The following PIGK variants were observed in gnomAD, a reference collection of about 807,000 sequenced individuals.
The protein encoded by PIGK is GPI-anchor transamidase.
Under a neutral mutation model 50.6 loss-of-function variants are expected in PIGK, and 42 were observed. The ratio of observed to expected loss-of-function variants is 0.83; its 90% CI spans 0.65 to 1.07. The LOEUF is 1.07. Among genes scored for constraint, PIGK ranks in the 50% least tolerant of loss-of-function variants. PIGK has a pLI of 0.00. For missense variants in PIGK, 448 were observed against 488.7 expected (o/e 0.92, Z 0.78); for synonymous variants, 151 against 156.0 (o/e 0.97, Z 0.24).
At chr1:77,106,558 T>C (rs1653682576) in intron 10 of PIGK, among the ~76,000 whole-genome samples, 2 of 152,148 alleles carry the variant, frequency 1.3e-5, no homozygotes, top group African/African-American at 4.8e-5. Flanking sequence ...ACAACAAAAA[T>C]GAATCTTATA....
chr1:77,140,928 T>C (rs116465150), intron 9 of PIGK, among the ~76,000 whole-genome samples: 1,927 of 152,300 alleles, frequency 0.013, 40 homozygotes, highest in African/African-American at 0.044. Context: ...TATGTCACAC[T>C]GTATAGTTCC....
rs1378459506 is a variant in PIGK at position 77,210,432 on chromosome 1, T to C, written c.147+4A>G. On this transcript the variant is annotated splice_donor_region_variant and intron_variant, in intron 2 of 10. Coordinates refer to ENST00000370812, the MANE Select transcript of PIGK (RefSeq NM_005482.3). ...AGCAAGGTATACTTTTACAGTATAC[T>C]TACCAGAACAGCCCAGTTGTTTGTA... 6.3e-7 allele frequency: 1 copy of C among 1,577,102 alleles called. No individual in the cohort carries two copies. Among genetic ancestry groups the C allele is most frequent in the Non-Finnish European group, 8.7e-7 (1 of 1,153,958 alleles).
chr1:77,218,052 T>G (rs1656621791), intron 1 of PIGK, among the ~76,000 whole-genome samples: 1 of 152,176 alleles, frequency 6.6e-6, no homozygotes, highest in African/African-American at 2.4e-5. Flanking sequence ...TAAATATATA[T>G]GAAGTTCATG....
intron 3 of PIGK, among the ~76,000 whole-genome samples, chr1:77,177,349 T>G (rs1009867557): frequency 1.3e-5 from 2 of 152,214 alleles, no homozygotes; most frequent in Non-Finnish European, 2.9e-5. Context: ...GGTTGTGGGT[T>G]TACCAGAATA....
intron 9 of PIGK, among the ~76,000 whole-genome samples, chr1:77,124,826 G>A (rs772284679): frequency 2.0e-5 from 3 of 151,982 alleles, no homozygotes; most frequent in South Asian, 4.1e-4. Flanking sequence ...ATAAAAAAGC[G>A]AACAACTCAA....
intron 10 of PIGK, among the ~76,000 whole-genome samples, chr1:77,118,635 A>C (rs1482190031): frequency 6.6e-6 from 1 of 152,164 alleles, no homozygotes; most frequent in African/African-American, 2.4e-5. Flanking sequence ...CTTTAATCCT[A>C]TTGGAATGTA....
chr1:77,154,882 T>C (rs1031272560), intron 8 of PIGK, among the ~76,000 whole-genome samples: 1 of 152,184 alleles, frequency 6.6e-6, no homozygotes, highest in Non-Finnish European at 1.5e-5. Context: ...TCTTGAATTA[T>C]ATGCTTCAAA....
intron 5 of PIGK, among the ~76,000 whole-genome samples, chr1:77,164,204 T>C (rs1655189148): frequency 6.6e-6 from 1 of 152,200 alleles, no homozygotes; most frequent in African/African-American, 2.4e-5. Context: ...GCTCTTCCAC[T>C]GGCTCCATTA....
At chr1:77,167,844 T>G (rs1327721522) in intron 4 of PIGK, among the ~76,000 whole-genome samples, 1 of 152,204 alleles carries the variant, frequency 6.6e-6, no homozygotes, top group African/African-American at 2.4e-5. Flanking sequence ...ACTACATTAT[T>G]GCAGCTAATC....
At chr1:77,195,394 A>G in intron 3 of PIGK, 3 of 1,155,194 alleles carry the variant, frequency 2.6e-6, no homozygotes, top group Non-Finnish European at 3.7e-6. Context: ...GCAGAGTGCT[A>G]AGGAGTGAGA....
In PIGK at chr1:77,182,486, C is replaced by T. The variant is rs1020982458; in HGVS notation, c.240-13091G>A. Among the ~76,000 whole-genome samples, 7 of 151,920 alleles carry T rather than the reference C, an allele frequency of 4.6e-5. No individual in the cohort carries two copies. In the East Asian group the frequency reaches 9.7e-4, roughly 21 times the overall value. On this transcript the variant is annotated intron_variant, in intron 3 of 10. Transcript: ENST00000370812. ...GGTTAATCTCCTCTGGAAACACCCT[C>T]GCAGACACACCCAGGATCAATCTAT...
intron 3 of PIGK, among the ~76,000 whole-genome samples, chr1:77,197,977 A>T (rs910197002): frequency 1.4e-4 from 21 of 152,200 alleles, no homozygotes; most frequent in Non-Finnish European, 2.8e-4. Context: ...AGGAATACCA[A>T]AGTGAAAATA....
chr1:77,126,965 T>C (rs958734622), intron 9 of PIGK, among the ~76,000 whole-genome samples: 2 of 152,180 alleles, frequency 1.3e-5, no homozygotes, highest in East Asian at 1.9e-4. Context: ...AATAACTTAA[T>C]AAGGGAATAA....
intron 9 of PIGK, among the ~76,000 whole-genome samples, chr1:77,153,014 T>C (rs1654926662): frequency 6.6e-6 from 1 of 152,150 alleles, no homozygotes; most frequent in South Asian, 2.1e-4. Context: ...CACATCTAGC[T>C]ACATATCCAG....
intron 10 of PIGK, among the ~76,000 whole-genome samples, chr1:77,118,413 G>T (rs1026258282): frequency 1.3e-5 from 2 of 151,374 alleles, no homozygotes; most frequent in Non-Finnish European, 3.0e-5. Flanking sequence ...TTAATTTATG[G>T]TTTTTTTGTA....
intron 9 of PIGK, among the ~76,000 whole-genome samples, chr1:77,136,523 C>A (rs565677250): frequency 2.5e-4 from 28 of 112,976 alleles, no homozygotes; most frequent in Admixed American, 1.4e-3. Context: ...GGCGACAGAG[C>A]GAGACTCCGT....
chr1:77,130,738 C>T (rs1379628274), intron 9 of PIGK, among the ~76,000 whole-genome samples: 1 of 152,094 alleles, frequency 6.6e-6, no homozygotes, highest in East Asian at 1.9e-4. Flanking sequence ...TGATAGCCAG[C>T]TTATTACGTT....
chr1:77,100,558 TG>T (rs1653518245), intron 10 of PIGK, among the ~76,000 whole-genome samples: 1 of 152,174 alleles, frequency 6.6e-6, no homozygotes, highest in African/African-American at 2.4e-5. Flanking sequence ...ATGATTAGGC[TG>T]AATTATATGG....
chr1:77,111,874 T>C (rs1653852998), intron 10 of PIGK, among the ~76,000 whole-genome samples: 2 of 152,138 alleles, frequency 1.3e-5, no homozygotes, highest in South Asian at 4.1e-4. Flanking sequence ...CAAAACTAGG[T>C]AACATGGATA....
Sources: gnomAD v4.1 joint callset for allele counts (sites outside exome capture counted in the v4.1 genomes callset) on GRCh38, gnomAD v4.1.1 for gene constraint, MANE v1.5 for transcripts, NCBI Gene and HGNC (gene_info 2026-07-23, HGNC 2026-07-21) for gene names.